The following ST6GALNAC5 variants were observed in gnomAD, a reference collection of about 807,000 sequenced individuals.
ST6GALNAC5 encodes ST6 N-acetylgalactosaminide alpha-2,6-sialyltransferase 5, also known as alpha-N-acetylgalactosaminide alpha-2,6-sialyltransferase 5.
Under a neutral mutation model 33.6 loss-of-function variants are expected in ST6GALNAC5, and 27 were observed. The ratio of observed to expected loss-of-function variants is 0.80; its 90% confidence interval spans 0.59 to 1.11. The LOEUF is 1.11. Ranked by LOEUF, ST6GALNAC5 falls within the 50% of genes least tolerant of loss-of-function variation. ST6GALNAC5 has a pLI of 0.00. For missense variants in ST6GALNAC5, 428 were observed against 454.0 expected, an observed-to-expected ratio of 0.94 and a Z score of 0.52; for synonymous variants, 194 against 171.2, an observed-to-expected ratio of 1.13 and a Z score of -1.04.
intron 3 of ST6GALNAC5, among the ~76,000 whole-genome samples, chr1:77,045,810 A>G (rs1414900861): frequency 6.6e-6 from 1 of 152,086 alleles, no homozygotes; most frequent in African/African-American, 2.4e-5. Context: ...GAGAGGTGAA[A>G]AGATGTCAGC....
chr1:76,974,911 G>A (rs1400503685), intron 2 of ST6GALNAC5, among the ~76,000 whole-genome samples: 3 of 147,760 alleles, frequency 2.0e-5, no homozygotes, highest in Non-Finnish European at 4.4e-5. Context: ...TTAGCCTCCT[G>A]AGTAGCTGGG....
intron 2 of ST6GALNAC5, among the ~76,000 whole-genome samples, chr1:76,892,304 AG>A (rs1356101568): frequency 1.3e-5 from 2 of 152,218 alleles, no homozygotes; most frequent in African/African-American, 4.8e-5. Flanking sequence ...TTGTTTCAAA[AG>A]GTTGCATTTT....
chr1:77,058,958 C>A (rs1652487306), intron 4 of ST6GALNAC5, among the ~76,000 whole-genome samples: 1 of 152,222 alleles, frequency 6.6e-6, no homozygotes, highest in African/African-American at 2.4e-5. Flanking sequence ...CAGGTACTTA[C>A]AAAATCAGTT....
At chr1:77,059,834 TCTC>T (rs1162734476) in intron 4 of ST6GALNAC5, among the ~76,000 whole-genome samples, 1 of 152,194 alleles carries the variant, frequency 6.6e-6, no homozygotes, top group African/African-American at 2.4e-5. Flanking sequence ...TGCTGTTTCT[TCTC>T]CTCCATTTAT....
At chr1:76,901,301 T>C (rs965431897) in intron 2 of ST6GALNAC5, among the ~76,000 whole-genome samples, 3 of 152,200 alleles carry the variant, frequency 2.0e-5, no homozygotes, top group Non-Finnish European at 4.4e-5. Flanking sequence ...CTGGTCAGCC[T>C]TTTAGGGCTT....
intron 2 of ST6GALNAC5, among the ~76,000 whole-genome samples, chr1:76,930,503 T>C (rs145262936): frequency 2.6e-5 from 4 of 152,226 alleles, no homozygotes; most frequent in East Asian, 1.9e-4. Flanking sequence ...TTAATTTCCT[T>C]CTCCTCACTT....
chr1:77,004,874 GA>G (rs1650331395), intron 2 of ST6GALNAC5, among the ~76,000 whole-genome samples: 1 of 137,332 alleles, frequency 7.3e-6, no homozygotes, highest in African/African-American at 2.5e-5. Context: ...TGCGTGCTGG[GA>G]GAACCACTGC....
chr1:76,981,090 G>A (rs1649231704), intron 2 of ST6GALNAC5, among the ~76,000 whole-genome samples: 1 of 152,208 alleles, frequency 6.6e-6, no homozygotes, highest in African/African-American at 2.4e-5. Flanking sequence ...GAAGACAGGT[G>A]ATTTCTGCAT....
chr1:76,996,578 A>G (rs1401126908), intron 2 of ST6GALNAC5, among the ~76,000 whole-genome samples: 1 of 152,178 alleles, frequency 6.6e-6, no homozygotes, highest in Non-Finnish European at 1.5e-5. Flanking sequence ...AAACGTTAAC[A>G]ACTATTAGCT....
At chr1:76,975,105 G>T (rs1279538796) in intron 2 of ST6GALNAC5, among the ~76,000 whole-genome samples, 1 of 151,942 alleles carries the variant, frequency 6.6e-6, no homozygotes, top group Non-Finnish European at 1.5e-5. Context: ...AAAATTTCAT[G>T]AGATTCTAAG....
At chr1:77,001,298 G>A (rs1299242182) in intron 2 of ST6GALNAC5, among the ~76,000 whole-genome samples, 1 of 116,294 alleles carries the variant, frequency 8.6e-6, no homozygotes, top group Admixed American at 8.8e-5. Flanking sequence ...CTGTTTGTCT[G>A]TTGTTGGTGT....
intron 2 of ST6GALNAC5, among the ~76,000 whole-genome samples, chr1:76,911,684 G>T (rs940005706): frequency 1.3e-5 from 2 of 152,172 alleles, no homozygotes; most frequent in African/African-American, 2.4e-5. Context: ...GAGGGTATGT[G>T]TTGAGGAATT....
intron 2 of ST6GALNAC5, among the ~76,000 whole-genome samples, chr1:77,011,234 A>G (rs768566299): frequency 3.9e-5 from 6 of 152,190 alleles, no homozygotes; most frequent in Admixed American, 6.5e-5. Context: ...TGCCTCCCCA[A>G]GCAGCATTCA....
rs951284684 is a variant in ST6GALNAC5, at chr1:76,972,092, A to T, written c.262-72112A>T. Reference sequence around the variant, plus strand: ...ATAAATACCCGAGACTGGGTAACTTATAAAGGAAAGAGGTTTAAGTGACTC... The same window carrying T: ...ATAAATACCCGAGACTGGGTAACTTTTAAAGGAAAGAGGTTTAAGTGACTC... On this transcript the variant is annotated intron_variant, in intron 2 of 4. Transcript: ENST00000477717. Among the ~76,000 whole-genome samples, 3 of 152,356 alleles carry T rather than the reference A, an allele frequency of 2.0e-5. No homozygotes were observed. In the East Asian group the frequency reaches 5.8e-4, roughly 29 times the overall value.
intron 3 of ST6GALNAC5, 113 bp downstream of exon 3, chr1:77,044,726 A>T: frequency 7.6e-7 from 1 of 1,309,286 alleles, no homozygotes. Flanking sequence ...TCCACTGCTC[A>T]TGTCATTGCT....
At chr1:77,029,215 T>C (rs908217530) in intron 2 of ST6GALNAC5, among the ~76,000 whole-genome samples, 2 of 152,114 alleles carry the variant, frequency 1.3e-5, no homozygotes, top group African/African-American at 4.8e-5. Context: ...GTACAATAAG[T>C]GGAAAAAAGA....
intron 2 of ST6GALNAC5, among the ~76,000 whole-genome samples, chr1:77,006,708 T>A (rs551782641): frequency 1.3e-5 from 2 of 152,308 alleles, no homozygotes; most frequent in East Asian, 3.9e-4. Flanking sequence ...CCTATTGCTA[T>A]GCAACCAACC....
At chr1:76,981,011 A>G (rs1341623764) in intron 2 of ST6GALNAC5, among the ~76,000 whole-genome samples, 1 of 152,186 alleles carries the variant, frequency 6.6e-6, no homozygotes, top group East Asian at 1.9e-4. Flanking sequence ...GTAATGAAAA[A>G]GGGGGGCACA....
intron 2 of ST6GALNAC5, among the ~76,000 whole-genome samples, chr1:76,987,675 G>T (rs1649567677): frequency 6.6e-6 from 1 of 152,090 alleles, no homozygotes; most frequent in Non-Finnish European, 1.5e-5. Context: ...CAGCCCAACA[G>T]TGGAAAAAAC....
Sources: allele counts gnomAD v4.1 joint callset (sites outside exome capture counted in the v4.1 genomes callset), GRCh38; gene constraint gnomAD v4.1.1; transcripts MANE v1.5; gene names NCBI Gene and HGNC (gene_info 2026-07-23, HGNC 2026-07-21).